The following SYN2 variants were observed in gnomAD, a reference collection of about 807,000 sequenced individuals.
SYN2 encodes synapsin-2.
Under a neutral mutation model 50.9 loss-of-function variants are expected in SYN2, and 19 were observed. The ratio of observed to expected loss-of-function variants is 0.37; its 90% CI spans 0.26 to 0.55. The LOEUF is 0.55. Among genes scored for constraint, SYN2 ranks in the 20% least tolerant of loss-of-function variants. The pLI is 0.81. For synonymous variants in SYN2, 255 were observed against 224.9 expected (o/e 1.13, Z -1.20); for missense variants, 587 against 576.4 (o/e 1.02, Z -0.19).
At chr3:12,094,983 G>T (rs910860453) in intron 1 of SYN2, among the ~76,000 whole-genome samples, 2 of 152,172 alleles carry the variant, frequency 1.3e-5, no homozygotes, top group Non-Finnish European at 2.9e-5. Flanking sequence ...TCTTGGAGTT[G>T]TTGGCCTACG....
In SYN2 at chr3:12,191,513, T is replaced by A. The variant is rs891882191; in HGVS notation, c.*888T>A. On this transcript the variant is annotated 3_prime_UTR_variant, in exon 13 of 13. Coordinates refer to ENST00000621198, the MANE Select transcript of SYN2 (RefSeq NM_133625.6). ...GTGCTTGAGTGTAGGGAGTGAAAAA[T>A]CTAGGTGTGTGAAGCTGTTTGTGTC... 6.6e-6 allele frequency: 1 copy of A among 152,068 alleles called. No individual in the cohort carries two copies. Among genetic ancestry groups the A allele is most frequent in the South Asian group, 2.1e-4 (1 of 4,800 alleles). The allele number at this position is 152,068 out of a possible 1,614,324, so 9.4% of individuals were successfully genotyped here.
chr3:12,145,639 G>A (rs762084462), intron 3 of SYN2, 40 bp from the exon 4 acceptor site: 2 of 1,606,662 alleles, frequency 1.2e-6, no homozygotes, highest in African/African-American at 1.3e-5. Flanking sequence ...ATGGCCTGAA[G>A]TGCTGGTTAA....
chr3:12,043,047 G>A (rs1485303341), intron 1 of SYN2, among the ~76,000 whole-genome samples: 1 of 148,156 alleles, frequency 6.7e-6, no homozygotes, highest in Non-Finnish European at 1.5e-5. Context: ...TTGTGAGACA[G>A]CATCTTGCTC....
intron 1 of SYN2, among the ~76,000 whole-genome samples, chr3:12,042,483 T>G (rs1020244640): frequency 4.6e-5 from 7 of 152,194 alleles, no homozygotes; most frequent in African/African-American, 1.7e-4. Context: ...TGTTTAATAC[T>G]ATGGAATTAT....
intron 9 of SYN2, 144 bp downstream of exon 9, chr3:12,168,622 G>A (rs1300252425): frequency 2.9e-6 from 2 of 684,594 alleles, no homozygotes; most frequent in African/African-American, 1.8e-5. Flanking sequence ...TAACCTGCTA[G>A]GCTGACCCAC....
chr3:12,144,090 T>TCAGTACA, intron 3 of SYN2, among the ~76,000 whole-genome samples: 1 of 152,304 alleles, frequency 6.6e-6, no homozygotes, highest in East Asian at 1.9e-4. Flanking sequence ...TGGGAGTAGA[T>TCAGTACA]GCTGCCACAG....
chr3:12,187,403 A>C lies in SYN2; in HGVS notation c.1404A>C (p.Pro468=). ...GGCAACCCCAAGGAATGCAGCCCCC[A>C]GGCAAGGTGCTGCCTCCACGCCGGC... ...GPGQPQGMQP[P]GKVLPPRRLP... The change falls in exon 12 of 13, where the codon CCA becomes CCC. Residue 468 remains proline, a synonymous_variant. Transcript: ENST00000621198. The C allele has an allele frequency of 6.5e-7, 1 of 1,550,294 alleles. No individual in the cohort carries two copies. Among genetic ancestry groups the C allele is most frequent in the Non-Finnish European group, 8.7e-7 (1 of 1,145,766 alleles).
Position 12,167,184 on chromosome 3 carries a change from T to A in SYN2, c.981-50T>A, listed in dbSNP as rs749312315. 8.8e-6 allele frequency: 14 copies of A among 1,583,830 alleles called. No homozygotes were observed. In the African/African-American group the frequency reaches 1.3e-4, roughly 15 times the overall value. On this transcript the variant is annotated intron_variant, in intron 7 of 12. Transcript: ENST00000621198. ...TTCTGGAAAGTTGCATGCCCTCCTC[T>A]TGCTGGTGTGGCTCACTGCCTGTCC...
At chr3:12,096,388 C>T (rs1352677950) in intron 1 of SYN2, among the ~76,000 whole-genome samples, 1 of 152,080 alleles carries the variant, frequency 6.6e-6, no homozygotes, top group Admixed American at 6.5e-5. Flanking sequence ...CAGGGGGTGG[C>T]TTAGAAGAGA....
chr3:12,151,284 C>A lies in SYN2; in HGVS notation c.732C>A (p.Phe244Leu). ...ATAAGACACTGGGAGGAGAAAAGTT[C>A]CCTCTCATTGAACAGACATACTACC... ...AIYKTLGGEKFPLIEQTYYPN... is the reference protein window; with the variant it reads ...AIYKTLGGEKLPLIEQTYYPN... The change falls in exon 5 of 13, where the codon TTC becomes TTA. Residue 244 changes from phenylalanine (F) to leucine (L), a missense_variant. Coordinates refer to ENST00000621198, the MANE Select transcript of SYN2 (RefSeq NM_133625.6). The A allele has an allele frequency of 6.2e-7, 1 of 1,613,470 alleles. No homozygotes were observed. The highest frequency in any genetic ancestry group is 8.5e-7 in the Non-Finnish European group (1 of 1,179,734).
chr3:12,183,218 T>C, intron 10 of SYN2, 94 bp from the exon 11 acceptor site: 1 of 1,484,960 alleles, frequency 6.7e-7, no homozygotes, highest in Non-Finnish European at 9.0e-7. Flanking sequence ...TCCCACCGGA[T>C]TCCACTGCGG....
At chr3:12,186,936 A>G (rs1456756462) in intron 11 of SYN2, among the ~76,000 whole-genome samples, 1 of 152,102 alleles carries the variant, frequency 6.6e-6, no homozygotes, top group Admixed American at 6.5e-5. Flanking sequence ...CTGGTAGACT[A>G]TTTCTGAGAT....
intron 10 of SYN2, among the ~76,000 whole-genome samples, chr3:12,171,732 C>T (rs1401742781): frequency 1.3e-5 from 2 of 152,164 alleles, no homozygotes; most frequent in Non-Finnish European, 2.9e-5. Context: ...TGTGCCTCAG[C>T]ATCTTTGTGT....
At chr3:12,085,419 T>G (rs983548596) in intron 1 of SYN2, among the ~76,000 whole-genome samples, 1 of 151,828 alleles carries the variant, frequency 6.6e-6, no homozygotes, top group African/African-American at 2.4e-5. Context: ...CACCTAAATA[T>G]ATGTGGTGAA....
chr3:12,023,061 C>A (rs1054837943), intron 1 of SYN2, among the ~76,000 whole-genome samples: 7 of 152,164 alleles, frequency 4.6e-5, no homozygotes, highest in African/African-American at 1.7e-4. Context: ...AATACGAGAA[C>A]TGGCAAGTAA....
intron 1 of SYN2, among the ~76,000 whole-genome samples, chr3:12,077,657 T>C (rs1307209311): frequency 2.6e-5 from 4 of 152,232 alleles, no homozygotes; most frequent in Non-Finnish European, 5.9e-5. Context: ...ATTTTATTCC[T>C]TTCTATGCTT....
At chr3:12,180,176 T>C (rs1698190468) in intron 10 of SYN2, among the ~76,000 whole-genome samples, 1 of 152,128 alleles carries the variant, frequency 6.6e-6, no homozygotes, top group Admixed American at 6.5e-5. Flanking sequence ...CTCAAACTCC[T>C]GGGCTCAAGT....
intron 1 of SYN2, among the ~76,000 whole-genome samples, chr3:12,023,764 G>T (rs9873301): frequency 0.1 from 15,184 of 152,126 alleles, 1,479 homozygotes; most frequent in African/African-American, 0.25. Context: ...AATGGGCTGT[G>T]GGGGGCATGG....
chr3:12,085,811 TCAAA>T (rs1488838001), intron 1 of SYN2, among the ~76,000 whole-genome samples: 2 of 151,844 alleles, frequency 1.3e-5, no homozygotes, highest in African/African-American at 4.8e-5. Flanking sequence ...AAGAAAAATC[TCAAA>T]CAACCTTACA....
Sources: allele counts gnomAD v4.1 joint callset (sites outside exome capture counted in the v4.1 genomes callset), GRCh38; gene constraint gnomAD v4.1.1; transcripts MANE v1.5; gene names NCBI Gene and HGNC (gene_info 2026-07-23, HGNC 2026-07-21).